The following CTNNA3 variants were observed in gnomAD, a reference collection of about 807,000 sequenced individuals.
CTNNA3 encodes the protein catenin alpha 3, also known as catenin alpha-3.
In CTNNA3, 76 loss-of-function variants were observed where a neutral mutation model predicts 95.7. The observed-to-expected ratio is 0.79, with a 90% CI of 0.66 to 0.96. The LOEUF (loss-of-function observed/expected upper bound fraction) is 0.96. Ranked by LOEUF, CTNNA3 falls within the 40% of genes least tolerant of loss-of-function variation. CTNNA3 has a pLI of 0.00. For synonymous variants in CTNNA3, 431 were observed against 374.4 expected (o/e 1.15, Z -1.74); for missense variants, 1,191 against 1,089.8 (o/e 1.09, Z -1.31).
intron 11 of CTNNA3, among the ~76,000 whole-genome samples, chr10:66,414,224 A>G (rs971480823): frequency 2.0e-5 from 3 of 152,186 alleles, no homozygotes; most frequent in Admixed American, 1.3e-4. Flanking sequence ...AGGCTTCAGG[A>G]TGGCTGACTA....
At chr10:66,209,060 G>C (rs964208989) in intron 13 of CTNNA3, among the ~76,000 whole-genome samples, 16 of 152,150 alleles carry the variant, frequency 1.1e-4, no homozygotes, top group African/African-American at 3.4e-4. Flanking sequence ...TTTTTTAAAA[G>C]TCCTCCAATA....
chr10:66,937,903 C>G (rs1157643454), intron 7 of CTNNA3, among the ~76,000 whole-genome samples: 2 of 151,962 alleles, frequency 1.3e-5, no homozygotes, highest in African/African-American at 4.8e-5. Context: ...TTTTTTCCCC[C>G]TCTCCCAGAG....
chr10:66,259,161 G>A (rs1046558134), intron 13 of CTNNA3, among the ~76,000 whole-genome samples: 3 of 151,998 alleles, frequency 2.0e-5, no homozygotes, highest in African/African-American at 7.3e-5. Context: ...TCCCAATATC[G>A]GCCTGCAACA....
intron 10 of CTNNA3, among the ~76,000 whole-genome samples, chr10:66,553,985 C>A (rs1033112229): frequency 6.6e-6 from 1 of 151,908 alleles, no homozygotes; most frequent in African/African-American, 2.4e-5. Context: ...TTTATTGTGT[C>A]ACTGCTCATT....
At chr10:65,969,807 T>C (rs974598873) in intron 16 of CTNNA3, among the ~76,000 whole-genome samples, 3 of 151,998 alleles carry the variant, frequency 2.0e-5, no homozygotes, top group Non-Finnish European at 4.4e-5. Context: ...TTAGTGACAT[T>C]CCTGAGACTG....
At chr10:67,269,639 C>G (rs543855811) in intron 5 of CTNNA3, among the ~76,000 whole-genome samples, 1 of 152,212 alleles carries the variant, frequency 6.6e-6, no homozygotes, top group South Asian at 2.1e-4. Context: ...TATTTCCAAA[C>G]AAGTGCTCCT....
intron 7 of CTNNA3, among the ~76,000 whole-genome samples, chr10:66,818,997 T>C (rs1359395097): frequency 6.7e-6 from 1 of 149,594 alleles, no homozygotes; most frequent in Non-Finnish European, 1.5e-5. Flanking sequence ...GGCTGAGGCA[T>C]GAGACTCTCT....
At chr10:67,403,737 C>G (rs1845017952) in intron 5 of CTNNA3, among the ~76,000 whole-genome samples, 1 of 152,292 alleles carries the variant, frequency 6.6e-6, no homozygotes, top group South Asian at 2.1e-4. Context: ...TAAGGAGGTC[C>G]CTGATCCCAT....
intron 7 of CTNNA3, among the ~76,000 whole-genome samples, chr10:67,120,756 A>T (rs1390401398): frequency 6.6e-6 from 1 of 152,068 alleles, no homozygotes; most frequent in East Asian, 1.9e-4. Context: ...GACTGATAAG[A>T]TTCCCTTACC....
chr10:66,807,107 G>A (rs1162911767), intron 7 of CTNNA3, among the ~76,000 whole-genome samples: 1 of 152,060 alleles, frequency 6.6e-6, no homozygotes, highest in Non-Finnish European at 1.5e-5. Flanking sequence ...TTAGGTTGGT[G>A]TTTATCAATG....
intron 6 of CTNNA3, among the ~76,000 whole-genome samples, chr10:67,190,591 T>G (rs2132172966): frequency 6.6e-6 from 1 of 152,180 alleles, no homozygotes; most frequent in East Asian, 1.9e-4. Flanking sequence ...CGTTTATTAC[T>G]CTTTTAGATT....
intron 5 of CTNNA3, among the ~76,000 whole-genome samples, chr10:67,449,691 C>A (rs1589301394): frequency 6.6e-6 from 1 of 151,996 alleles, no homozygotes; most frequent in East Asian, 1.9e-4. Flanking sequence ...ATGTAAAATC[C>A]AAAACTATAA....
At chr10:66,763,967 A>T (rs1839734217) in intron 9 of CTNNA3, among the ~76,000 whole-genome samples, 1 of 152,178 alleles carries the variant, frequency 6.6e-6, no homozygotes, top group Admixed American at 6.6e-5. Flanking sequence ...AAAATTGCCC[A>T]GCTCTTCCCA....
chr10:67,436,615 C>T (rs989176617), intron 5 of CTNNA3, among the ~76,000 whole-genome samples: 4 of 151,780 alleles, frequency 2.6e-5, no homozygotes, highest in African/African-American at 9.7e-5. Flanking sequence ...TGAATTCAAA[C>T]AAATCAATAA....
intron 5 of CTNNA3, among the ~76,000 whole-genome samples, chr10:67,380,437 G>A (rs1295335943): frequency 6.6e-6 from 1 of 152,162 alleles, no homozygotes; most frequent in Non-Finnish European, 1.5e-5. Flanking sequence ...AGGTGCATAG[G>A]TGGCTCCTTT....
intron 5 of CTNNA3, among the ~76,000 whole-genome samples, chr10:67,494,964 T>G (rs894193588): frequency 1.3e-5 from 2 of 152,212 alleles, no homozygotes; most frequent in East Asian, 3.8e-4. Flanking sequence ...TAAATATTTT[T>G]ATTAGCATAA....
At chr10:66,803,408 C>G (rs1472029192) in intron 7 of CTNNA3, among the ~76,000 whole-genome samples, 1 of 151,994 alleles carries the variant, frequency 6.6e-6, no homozygotes, top group South Asian at 2.1e-4. Context: ...CACTTCCTTT[C>G]CAAAGTCCTT....
intron 1 of CTNNA3, among the ~76,000 whole-genome samples, chr10:67,749,852 CA>C: frequency 6.6e-6 from 1 of 151,892 alleles, no homozygotes; most frequent in Non-Finnish European, 1.5e-5. Flanking sequence ...AAAAACCCTT[CA>C]AAAAAAATCA....
intron 10 of CTNNA3, among the ~76,000 whole-genome samples, chr10:66,535,974 C>T (rs1841638294): frequency 6.6e-6 from 1 of 152,038 alleles, no homozygotes; most frequent in South Asian, 2.1e-4. Context: ...GAGTTATAGA[C>T]ATGATGAAAT....
Sources: allele counts gnomAD v4.1 joint callset (sites outside exome capture counted in the v4.1 genomes callset), GRCh38; gene constraint gnomAD v4.1.1; transcripts MANE v1.5; gene names NCBI Gene and HGNC (gene_info 2026-07-23, HGNC 2026-07-21).